Variants in CDC42EP4 observed in about 807,000 individuals in gnomAD.
The protein encoded by CDC42EP4 is CDC42 effector protein 4.
In CDC42EP4, 6 loss-of-function variants were observed where a neutral mutation model predicts 5.6. The ratio of observed to expected loss-of-function variants is 1.07; its 90% confidence interval spans 0.59 to 2.12. CDC42EP4 has a LOEUF of 2.12. CDC42EP4 is among the 30% of genes most tolerant of loss of function. The probability of loss-of-function intolerance (pLI) is 0.00; values close to 1 mark genes in which losing one functional copy is unlikely to be tolerated. For synonymous variants in CDC42EP4, 230 were observed against 224.2 expected (o/e 1.03, Z -0.23); for missense variants, 490 against 508.6 (o/e 0.96, Z 0.35).
At chr17:73,297,293 T>C (rs1599435896) in intron 1 of CDC42EP4, among the ~76,000 whole-genome samples, 3 of 73,212 alleles carry the variant, frequency 4.1e-5, no homozygotes, top group African/African-American at 5.3e-5. Flanking sequence ...AGACTTCGTC[T>C]CCAAAAAAAA....
chr17:73,290,925 T>C (rs1312307719), intron 1 of CDC42EP4, among the ~76,000 whole-genome samples: 1 of 152,216 alleles, frequency 6.6e-6, no homozygotes, highest in African/African-American at 2.4e-5. Flanking sequence ...CAGGTCACTG[T>C]GGCTGCCCAA....
At chr17:73,307,757 TC>T (rs1441228873) in intron 1 of CDC42EP4, among the ~76,000 whole-genome samples, 2 of 111,938 alleles carry the variant, frequency 1.8e-5, no homozygotes, top group Non-Finnish European at 1.8e-5. Flanking sequence ...CCTGAATTTC[TC>T]TCTTTTTTTT....
At chr17:73,309,859 C>T (rs1024608010) in intron 1 of CDC42EP4, 1 of 152,430 alleles carries the variant, frequency 6.6e-6, no homozygotes, top group East Asian at 1.9e-4. Flanking sequence ...ATTCACTGAA[C>T]ACCCCTTGTG....
intron 1 of CDC42EP4, among the ~76,000 whole-genome samples, chr17:73,294,705 G>A (rs1239913291): frequency 1.3e-5 from 2 of 152,070 alleles, no homozygotes; most frequent in Admixed American, 1.3e-4. Context: ...CATGTCTATT[G>A]TCATTCCACG....
In CDC42EP4 at chr17:73,286,174, C is replaced by T. The variant is rs768164165; in HGVS notation, c.327G>A (p.Ser109=). The T allele has an allele frequency of 5.0e-6, 8 of 1,614,070 alleles. No homozygotes were observed. Among genetic ancestry groups the T allele is most frequent in the Admixed American group, 3.3e-5 (2 of 60,028 alleles). The change falls in exon 2 of 2, where the codon TCG becomes TCA. Residue 109 remains serine (S), a synonymous_variant. Transcript: ENST00000335793. The surrounding 1 kb of genome is among the most constrained non-coding windows in gnomAD (Gnocchi z 7.7). ...ACATGGCATTCTTGACAAACAGGGC[C>T]GAGTCCCGCAGGGAGCCCAGCATGT... is the stretch of plus-strand genomic sequence containing the variant. The part of the protein sequence containing the change: ...QRDMLGSLRD[S]ALFVKNAMSL...
chr17:73,295,013 T>G (rs925839396), intron 1 of CDC42EP4, among the ~76,000 whole-genome samples: 3 of 152,108 alleles, frequency 2.0e-5, no homozygotes, highest in African/African-American at 7.2e-5. Flanking sequence ...GGTTCCACCA[T>G]GTTGGCCAAG....
At chr17:73,302,563 A>C (rs1211894156) in intron 1 of CDC42EP4, among the ~76,000 whole-genome samples, 1 of 152,040 alleles carries the variant, frequency 6.6e-6, no homozygotes, top group Non-Finnish European at 1.5e-5. Context: ...TGTAGCCTCA[A>C]CGTCCTAGGC....
At chr17:73,309,930 C>T (rs1568347467) in intron 1 of CDC42EP4, 1 of 152,418 alleles carries the variant, frequency 6.6e-6, no homozygotes, top group African/African-American at 2.4e-5. Context: ...GGAGATAAGC[C>T]ACCCCACTAA....
intron 1 of CDC42EP4, among the ~76,000 whole-genome samples, chr17:73,289,393 T>C (rs1294675788): frequency 1.3e-5 from 2 of 152,144 alleles, no homozygotes; most frequent in Admixed American, 6.6e-5. Flanking sequence ...TAGGCATGGC[T>C]ATGTTCCAAT....
rs371477345 is a variant in CDC42EP4, at chr17:73,290,887, G to A, written c.-112-4275C>T. Among the ~76,000 whole-genome samples the A allele has an allele frequency of 7.9e-5, 12 of 152,260 alleles. No homozygotes were observed. In the South Asian group the frequency reaches 1.9e-3, roughly 24 times the overall value. ...GGAAAGAAAGGGAAACCACAGACCC[G>A]GCTCCCCAGGACTCACCAGAGAAGC... On this transcript the variant is annotated intron_variant, in intron 1 of 1. Transcript: ENST00000335793.
At chr17:73,302,066 T>G (rs1384292321) in intron 1 of CDC42EP4, among the ~76,000 whole-genome samples, 1 of 152,222 alleles carries the variant, frequency 6.6e-6, no homozygotes, top group Non-Finnish European at 1.5e-5. Flanking sequence ...ACTCCTGACC[T>G]CAGGTGATCC....
intron 1 of CDC42EP4, among the ~76,000 whole-genome samples, chr17:73,307,760 C>CTTTTTTT (rs539543636): frequency 9.3e-6 from 1 of 107,186 alleles, no homozygotes; most frequent in Non-Finnish European, 1.8e-5. Context: ...GAATTTCTCT[C>CTTTTTTT]TTTTTTTTTT....
intron 1 of CDC42EP4, among the ~76,000 whole-genome samples, chr17:73,290,376 GA>G (rs1376174377): frequency 6.6e-6 from 1 of 152,186 alleles, no homozygotes; most frequent in Non-Finnish European, 1.5e-5. Context: ...AGGGTACAGA[GA>G]AGGGGGTACC....
At chr17:73,300,828 C>G (rs1312914316) in intron 1 of CDC42EP4, among the ~76,000 whole-genome samples, 4 of 152,058 alleles carry the variant, frequency 2.6e-5, no homozygotes, top group African/African-American at 9.7e-5. Context: ...AGGCAGATCA[C>G]CTGAGGTCAG....
intron 1 of CDC42EP4, among the ~76,000 whole-genome samples, chr17:73,289,892 A>AAAGAGAAAAAGAAGCAGCAGAAG (rs1211824281): frequency 8.5e-5 from 13 of 152,140 alleles, no homozygotes; most frequent in Admixed American, 8.5e-4. Context: ...GGAAGGAAAG[A>AAAGAGAAAAAGAAGCAGCAGAAG]AAGAGAAAAA....
At chr17:73,300,434 A>G (rs552674631) in intron 1 of CDC42EP4, among the ~76,000 whole-genome samples, 18 of 152,320 alleles carry the variant, frequency 1.2e-4, no homozygotes, top group Non-Finnish European at 2.4e-4. Context: ...CAAGGAGGAA[A>G]GCAATAGTGC....
chr17:73,285,619 GC>G lies in CDC42EP4; in HGVS notation c.881del (p.Gly294AlafsTer88). 1 of 1,606,008 alleles carries G rather than the reference GC, an allele frequency of 6.2e-7. No individual in the cohort carries two copies. The highest frequency in any genetic ancestry group is 8.5e-7 in the Non-Finnish European group (1 of 1,176,084). ...TGTGGCTGCCCATGCTGCGGGCTGA[GC>G]CGGGGCTGGGGGCCGCTGCTGCCCA... is the stretch of plus-strand genomic sequence containing the variant. ...EGWAAAAPSP[G>X]SARSMGSHTT... On this transcript the variant is annotated frameshift_variant, in exon 2 of 2. Transcript: ENST00000335793. LOFTEE classifies it high-confidence loss of function. This position sits in a 1 kb window ranked among gnomAD's most constrained non-coding sequence, Gnocchi z 6.8.
chr17:73,285,763 AGCG>A lies in CDC42EP4; in HGVS notation c.735_737del (p.Ala246del). On this transcript the variant is annotated inframe_deletion, in exon 2 of 2. Transcript: ENST00000335793. The surrounding 1 kb of genome is among the most constrained non-coding windows in gnomAD (Gnocchi z 6.8). The stretch of plus-strand genomic sequence containing the variant: ...ACGGGGGAGCCTGGGTGATGGTGCC[AGCG>A]GCGCCCTCATCGCCATGGTAACCAC... 1 of 1,594,392 alleles carries A rather than the reference AGCG, an allele frequency of 6.3e-7. No homozygotes were observed. Among genetic ancestry groups the A allele is most frequent in the Non-Finnish European group, 8.6e-7 (1 of 1,164,674 alleles).
rs768066533 is a variant in CDC42EP4, at chr17:73,286,575, C to T, written c.-75G>A. The T allele has an allele frequency of 5.5e-5, 62 of 1,125,164 alleles. No homozygotes were observed. The highest frequency in any genetic ancestry group is 7.4e-5 in the Non-Finnish European group (59 of 799,312). 69.7% of individuals were successfully genotyped at this position (1,125,164 alleles called of 1,614,324 possible). A position where few individuals can be genotyped will look rare whatever the true frequency, so the allele number is the denominator to read the frequency against. On this transcript the variant is annotated 5_prime_UTR_variant, in exon 2 of 2. Transcript: ENST00000335793. This position sits in a 1 kb window ranked among gnomAD's most constrained non-coding sequence, Gnocchi z 7.7. ...TGGGGTCAGATCTGAAGTCCAAGTCCAGTGGGCAGAGGGGGACGCAATGAG... is the reference window on the plus strand; with the variant it reads ...TGGGGTCAGATCTGAAGTCCAAGTCTAGTGGGCAGAGGGGGACGCAATGAG...
Sources: allele counts gnomAD v4.1 joint callset (sites outside exome capture counted in the v4.1 genomes callset), GRCh38; gene constraint gnomAD v4.1.1; non-coding constraint Gnocchi (gnomAD v3.1); transcripts MANE v1.5; gene names NCBI Gene and HGNC (gene_info 2026-07-23, HGNC 2026-07-21).